The following ETV5 variants were observed in gnomAD, a reference collection of about 807,000 sequenced individuals.
The protein encoded by ETV5 is ETS variant transcription factor 5, also known as ETS translocation variant 5.
ETV5 carries 10 observed loss-of-function variants against 70.0 expected under a neutral mutation model. The observed-to-expected ratio is 0.14, with a 90% CI of 0.09 to 0.24. The LOEUF (loss-of-function observed/expected upper bound fraction) is 0.24, where lower values mean the gene tolerates loss of function less well. Among genes scored for constraint, ETV5 ranks in the 10% least tolerant of loss-of-function variants. The pLI, the probability that ETV5 is intolerant of heterozygous loss-of-function variation, is 1.00. For missense variants in ETV5, 453 were observed against 651.2 expected (o/e 0.70, Z 3.31); for synonymous variants, 216 against 242.2 (o/e 0.89, Z 1.01).
intron 9 of ETV5, among the ~76,000 whole-genome samples, chr3:186,058,826 C>A (rs537211360): frequency 6.6e-6 from 1 of 151,946 alleles, no homozygotes; most frequent in East Asian, 1.9e-4. Flanking sequence ...CCAGCCTGGC[C>A]AACATGGTGA....
intron 1 of ETV5, among the ~76,000 whole-genome samples, chr3:186,107,873 T>C (rs1714629241): frequency 6.6e-6 from 1 of 151,798 alleles, no homozygotes; most frequent in Non-Finnish European, 1.5e-5. Flanking sequence ...ATTCTCAGCC[T>C]TCCCCATTCA....
chr3:186,066,388 A>G (rs1306295839), intron 7 of ETV5, among the ~76,000 whole-genome samples: 1 of 152,078 alleles, frequency 6.6e-6, no homozygotes, highest in Admixed American at 6.6e-5. Context: ...GAGACCAATT[A>G]TCTGCAAATA....
Position 186,083,379 on chromosome 3 carries a change from G to A in ETV5, c.233-2204C>T, listed in dbSNP as rs977977327. On this transcript the variant is annotated intron_variant, in intron 5 of 12. Transcript: ENST00000306376. ...CTAAGTTTGGAAAGAAAACAATTAGGGTATTATTGAATGGTCTGATTTCAG... is the reference window on the plus strand; with the variant it reads ...CTAAGTTTGGAAAGAAAACAATTAGAGTATTATTGAATGGTCTGATTTCAG... Among the ~76,000 whole-genome samples the A allele has an allele frequency of 7.9e-5, 12 of 152,218 alleles. No individual in the cohort carries two copies. The Middle Eastern group carries it at 0.01, about 129-fold the overall frequency.
At chr3:186,058,812 G>A (rs930951063) in intron 9 of ETV5, among the ~76,000 whole-genome samples, 2 of 151,942 alleles carry the variant, frequency 1.3e-5, no homozygotes, top group Non-Finnish European at 2.9e-5. Context: ...TCAGGAGTTC[G>A]AGACCAGCCT....
intron 5 of ETV5, among the ~76,000 whole-genome samples, chr3:186,082,428 C>CTT (rs1003609474): frequency 1.4e-4 from 19 of 139,718 alleles, no homozygotes; most frequent in East Asian, 8.2e-4. Flanking sequence ...TCACTTTTCT[C>CTT]TTTTTTTTTT....
At chr3:186,093,189 G>T (rs1018828291) in intron 5 of ETV5, among the ~76,000 whole-genome samples, 1 of 152,122 alleles carries the variant, frequency 6.6e-6, no homozygotes, top group Non-Finnish European at 1.5e-5. Context: ...TCTGGCTAGG[G>T]GTAAAAGCAG....
At chr3:186,107,799 T>C (rs1166211182) in intron 1 of ETV5, among the ~76,000 whole-genome samples, 5 of 151,592 alleles carry the variant, frequency 3.3e-5, no homozygotes, top group Non-Finnish European at 7.4e-5. Flanking sequence ...CCACATCAGG[T>C]AGAGGCTGTA....
chr3:186,090,100 T>C (rs76719708), intron 5 of ETV5, among the ~76,000 whole-genome samples: 11,973 of 151,970 alleles, frequency 0.079, 1,295 homozygotes, highest in East Asian at 0.53. Context: ...CTCTGAGATA[T>C]TTGGAGGAAA....
chr3:186,106,780 G>T (rs1398059154), intron 1 of ETV5, among the ~76,000 whole-genome samples: 1 of 152,138 alleles, frequency 6.6e-6, no homozygotes, highest in African/African-American at 2.4e-5. Flanking sequence ...GGGTAAGTGT[G>T]TGAGTCTGGG....
intron 1 of ETV5, 187 bp downstream of exon 1, chr3:186,108,753 C>T (rs1474448672): frequency 1.1e-6 from 1 of 915,868 alleles, no homozygotes; most frequent in East Asian, 9.0e-5. Context: ...CCCGACGCCT[C>T]CCAGGAACCA....
rs1012318032 is a variant in ETV5, at chr3:186,048,315, T to C, written c.*324A>G. 2.6e-6 allele frequency: 1 copy of C among 389,352 alleles called. No homozygotes were observed. Among genetic ancestry groups the C allele is most frequent in the Non-Finnish European group, 4.7e-6 (1 of 211,454 alleles). 24.1% of individuals were successfully genotyped at this position (389,352 alleles called of 1,614,324 possible). On this transcript the variant is annotated 3_prime_UTR_variant, in exon 13 of 13. Transcript: ENST00000306376. Reference sequence around the variant, plus strand: ...GATTGTCACATACTATGTCCCGTTTTGCGGGTACTAACCTGAACAAGATAT... The same window carrying C: ...GATTGTCACATACTATGTCCCGTTTCGCGGGTACTAACCTGAACAAGATAT...
chr3:186,087,328 G>A (rs1281051402), intron 5 of ETV5, among the ~76,000 whole-genome samples: 3 of 152,296 alleles, frequency 2.0e-5, no homozygotes, highest in South Asian at 2.1e-4. Flanking sequence ...AGTCAGGAGG[G>A]AGGTTACTCT....
chr3:186,084,971 G>C (rs1349054652), intron 5 of ETV5, among the ~76,000 whole-genome samples: 1 of 152,194 alleles, frequency 6.6e-6, no homozygotes, highest in African/African-American at 2.4e-5. Flanking sequence ...CCAAGAAAGA[G>C]GCAGCCAGCC....
chr3:186,084,309 G>C, intron 5 of ETV5: 1 of 375,818 alleles, frequency 2.7e-6, no homozygotes, highest in Non-Finnish European at 5.0e-6. Context: ...AAAAAAAGTT[G>C]ACATTTGAGC....
chr3:186,073,560 C>G (rs1713698446), intron 7 of ETV5, among the ~76,000 whole-genome samples: 1 of 152,174 alleles, frequency 6.6e-6, no homozygotes, highest in Non-Finnish European at 1.5e-5. Flanking sequence ...TAAAAATACT[C>G]TCTGGATGAG....
At chr3:186,066,282 C>CAAAAAAAAAA (rs1356517173) in intron 7 of ETV5, among the ~76,000 whole-genome samples, 42 of 44,862 alleles carry the variant, frequency 9.4e-4, no homozygotes, top group East Asian at 1.2e-3. Context: ...AAAAAAAAAT[C>CAAAAAAAAAA]AAAGCAATGA....
chr3:186,065,587 C>T (rs985237348), intron 8 of ETV5, among the ~76,000 whole-genome samples: 8 of 152,172 alleles, frequency 5.3e-5, no homozygotes, highest in Admixed American at 3.9e-4. Context: ...GAATGCCTAC[C>T]GCACTTCCTA....
Position 186,105,245 on chromosome 3 carries a change from T to C in ETV5, c.232+60A>G, listed in dbSNP as rs540431775. ...AGCTGAAAAAAGCATATTCTAGACA[T>C]GGATGATCTAAGACCAAACAATTTC... On this transcript the variant is annotated intron_variant, in intron 5 of 12. Transcript: ENST00000306376. The surrounding 1 kb of genome is among the most constrained non-coding windows in gnomAD (Gnocchi z 4.5). 5.0e-5 allele frequency: 72 copies of C among 1,434,162 alleles called. 1 individual carries two copies. In the African/African-American group the frequency reaches 7.8e-4, roughly 16 times the overall value. 88.8% of individuals were successfully genotyped at this position (1,434,162 alleles called of 1,614,324 possible). A position where few individuals can be genotyped will look rare whatever the true frequency, so the allele number is the denominator to read the frequency against.
chr3:186,105,204 G>T lies in ETV5; in HGVS notation c.232+101C>A. 2.1e-6 allele frequency: 2 copies of T among 943,046 alleles called. No individual in the cohort carries two copies. Among genetic ancestry groups the T allele is most frequent in the Non-Finnish European group, 3.3e-6 (2 of 607,856 alleles). 58.4% of individuals were successfully genotyped at this position (943,046 alleles called of 1,614,324 possible). On this transcript the variant is annotated intron_variant, in intron 5 of 12. Coordinates refer to ENST00000306376, the MANE Select transcript of ETV5 (RefSeq NM_004454.3). The surrounding 1 kb of genome is among the most constrained non-coding windows in gnomAD (Gnocchi z 4.5). ...TAGAAGAAACTAAATGCATACTACT[G>T]TCTAAATCTGGCCATAGCTGAAAAA...
Sources: allele counts gnomAD v4.1 joint callset (sites outside exome capture counted in the v4.1 genomes callset), GRCh38; gene constraint gnomAD v4.1.1; non-coding constraint Gnocchi (gnomAD v3.1); transcripts MANE v1.5; gene names NCBI Gene and HGNC (gene_info 2026-07-23, HGNC 2026-07-21).